The following COL13A1 variants were observed in gnomAD, a reference collection of about 807,000 sequenced individuals.
COL13A1 encodes the protein collagen type XIII alpha 1 chain, also known as collagen alpha-1(XIII) chain.
COL13A1 carries 89 observed loss-of-function variants against 130.9 expected under a neutral mutation model. The ratio of observed to expected loss-of-function variants is 0.68; its 90% CI spans 0.57 to 0.81. COL13A1 has a LOEUF of 0.81. COL13A1 is among the 30% of genes least tolerant of loss of function. The pLI is 0.00. For synonymous variants in COL13A1, 402 were observed against 341.6 expected (o/e 1.18, Z -1.95); for missense variants, 879 against 934.6 (o/e 0.94, Z 0.78).
intron 1 of COL13A1, among the ~76,000 whole-genome samples, chr10:69,803,135 C>T (rs1589101436): frequency 6.6e-6 from 1 of 152,174 alleles, no homozygotes; most frequent in South Asian, 2.1e-4. Context: ...TTACTGAGCC[C>T]CCATGGCCCT....
intron 10 of COL13A1, among the ~76,000 whole-genome samples, chr10:69,893,449 C>T (rs1212130267): frequency 1.3e-5 from 2 of 152,246 alleles, no homozygotes; most frequent in Admixed American, 6.5e-5. Flanking sequence ...TCCAGTGATG[C>T]TCTTGGGAGT....
intron 9 of COL13A1, among the ~76,000 whole-genome samples, 163 bp downstream of exon 9, chr10:69,888,493 C>T (rs2060825182): frequency 6.6e-6 from 1 of 152,194 alleles, no homozygotes; most frequent in African/African-American, 2.4e-5. Flanking sequence ...TTGAGTCACC[C>T]CTGACCCCAG....
At chr10:69,870,959 T>G (rs369102611) in intron 3 of COL13A1, among the ~76,000 whole-genome samples, 1 of 152,152 alleles carries the variant, frequency 6.6e-6, no homozygotes. Context: ...TTCCCTCATG[T>G]GTCCTCGTAA....
chr10:69,876,897 C>A (rs1358563783), intron 5 of COL13A1, among the ~76,000 whole-genome samples: 1 of 152,212 alleles, frequency 6.6e-6, no homozygotes. Flanking sequence ...ACAGGGAAGG[C>A]TGCAAAATGC....
intron 31 of COL13A1, among the ~76,000 whole-genome samples, chr10:69,932,918 C>A (rs1232089483): frequency 6.6e-6 from 1 of 152,048 alleles, no homozygotes; most frequent in East Asian, 1.9e-4. Context: ...AGGCGGATCA[C>A]CTGAGGTCGG....
At chr10:69,845,749 C>T (rs1280342115) in intron 2 of COL13A1, among the ~76,000 whole-genome samples, 7 of 118,006 alleles carry the variant, frequency 5.9e-5, no homozygotes, top group Non-Finnish European at 1.2e-4. Flanking sequence ...ATTCTGACCT[C>T]ACCTGCAGCA....
At chr10:69,914,048 C>G (rs915113942) in intron 17 of COL13A1, among the ~76,000 whole-genome samples, 6 of 152,190 alleles carry the variant, frequency 3.9e-5, no homozygotes, top group South Asian at 2.1e-4. Flanking sequence ...TCTTTACACA[C>G]TCACATCAAC....
intron 3 of COL13A1, among the ~76,000 whole-genome samples, chr10:69,868,974 C>T (rs889519321): frequency 6.6e-6 from 1 of 152,200 alleles, no homozygotes; most frequent in Non-Finnish European, 1.5e-5. Flanking sequence ...GAGGAAGCCA[C>T]AAGAGCCCTC....
At chr10:69,950,462 C>T (rs1005050954) in intron 38 of COL13A1, among the ~76,000 whole-genome samples, 12 of 152,190 alleles carry the variant, frequency 7.9e-5, no homozygotes, top group African/African-American at 7.2e-5. Flanking sequence ...CTGTTACCCC[C>T]GGGGTATCCT....
chr10:69,869,074 G>A (rs2058808151), intron 3 of COL13A1, among the ~76,000 whole-genome samples: 1 of 152,184 alleles, frequency 6.6e-6, no homozygotes, highest in African/African-American at 2.4e-5. Context: ...CTCACCCCCA[G>A]GGCCAGGATG....
intron 33 of COL13A1, 130 bp downstream of exon 33, chr10:69,936,912 G>T: frequency 2.0e-6 from 2 of 999,142 alleles, no homozygotes; most frequent in Non-Finnish European, 3.0e-6. Context: ...TCCAGTCAGG[G>T]CAGGAGGAAG....
At chr10:69,810,875 T>G (rs1842862013) in intron 1 of COL13A1, among the ~76,000 whole-genome samples, 1 of 152,188 alleles carries the variant, frequency 6.6e-6, no homozygotes, top group South Asian at 2.1e-4. Context: ...ATGCTGTCTG[T>G]GGCGGAAGGG....
In COL13A1 at chr10:69,880,507, C is replaced by A. The variant is rs141069345; in HGVS notation, c.467C>A (p.Ser156Tyr). ...GVKGQPGEKG[S>Y]PGDAGLSIIG... ...CCCCTTCCTCTCTCCCCGCAGGGGT[C>A]CCCCGGAGACGCTGGGCTGTCCATC... The change falls in exon 7 of 41, where the codon TCC becomes TAC. Residue 156 changes from serine (S) to tyrosine (Y), a missense_variant. Ser to Tyr is a moderately radical substitution (Grantham distance 144, BLOSUM62 -2). Coordinates refer to ENST00000645393, the MANE Select transcript of COL13A1 (RefSeq NM_001368882.1). The A allele has an allele frequency of 8.7e-6, 14 of 1,609,850 alleles. No individual in the cohort carries two copies. The African/African-American group carries it at 1.3e-4, about 15-fold the overall frequency.
intron 14 of COL13A1, among the ~76,000 whole-genome samples, chr10:69,901,939 C>T (rs2062225117): frequency 6.6e-6 from 1 of 152,194 alleles, no homozygotes; most frequent in African/African-American, 2.4e-5. Context: ...TTCCACACAG[C>T]TTCCAAACTC....
intron 34 of COL13A1, among the ~76,000 whole-genome samples, 186 bp from the exon 35 acceptor site, chr10:69,940,802 G>A (rs1336795289): frequency 1.3e-5 from 2 of 152,184 alleles, no homozygotes; most frequent in South Asian, 2.1e-4. Context: ...CCATGTTTTC[G>A]TTGGTTTCCA....
chr10:69,856,568 A>G (rs1280838819), intron 2 of COL13A1, among the ~76,000 whole-genome samples: 1 of 152,240 alleles, frequency 6.6e-6, no homozygotes, highest in African/African-American at 2.4e-5. Context: ...ACACATAGAA[A>G]TGAGAATAAT....
chr10:69,946,843 A>G (rs1237018221), intron 37 of COL13A1, among the ~76,000 whole-genome samples: 2 of 152,128 alleles, frequency 1.3e-5, no homozygotes, highest in Non-Finnish European at 2.9e-5. Flanking sequence ...GCTGGAGTGC[A>G]GTGGCATGAT....
At chr10:69,928,474 G>T (rs1373787411) in intron 27 of COL13A1, among the ~76,000 whole-genome samples, 1 of 152,226 alleles carries the variant, frequency 6.6e-6, no homozygotes, top group Non-Finnish European at 1.5e-5. Context: ...GTGCCTGGAT[G>T]CTTCTGCTCA....
At chr10:69,872,771 C>A (rs1047540777) in intron 4 of COL13A1, among the ~76,000 whole-genome samples, 6 of 152,230 alleles carry the variant, frequency 3.9e-5, no homozygotes, top group African/African-American at 1.4e-4. Flanking sequence ...ATGTTTCACA[C>A]ATTCAGCTTG....
Sources: allele counts gnomAD v4.1 joint callset (sites outside exome capture counted in the v4.1 genomes callset), GRCh38; gene constraint gnomAD v4.1.1; transcripts MANE v1.5; gene names NCBI Gene and HGNC (gene_info 2026-07-23, HGNC 2026-07-21).